The following TENM2 variants were observed in gnomAD, a reference collection of about 807,000 sequenced individuals.
TENM2 encodes the protein teneurin transmembrane protein 2, also known as teneurin-2.
In TENM2, 52 loss-of-function variants were observed where a neutral mutation model predicts 245.2. The observed-to-expected ratio is 0.21, with a 90% CI of 0.17 to 0.27. TENM2 has a LOEUF of 0.27. TENM2 is among the 10% of genes least tolerant of loss of function. TENM2 has a pLI of 1.00. For missense variants in TENM2, 3,046 were observed against 3,666.8 expected (o/e 0.83, Z 4.37); for synonymous variants, 1,363 against 1,438.9 (o/e 0.95, Z 1.19).
At chr5:167,981,837 G>A (rs371788787) in intron 4 of TENM2, among the ~76,000 whole-genome samples, 1 of 152,012 alleles carries the variant, frequency 6.6e-6, no homozygotes, top group South Asian at 2.1e-4. Flanking sequence ...AGGCAGGCGT[G>A]GTGGCGTGCA....
At chr5:168,026,091 T>G (rs1786602010) in intron 5 of TENM2, among the ~76,000 whole-genome samples, 1 of 152,092 alleles carries the variant, frequency 6.6e-6, no homozygotes, top group Admixed American at 6.6e-5. Context: ...CAAGGTATGA[T>G]GTAATTTCTT....
intron 2 of TENM2, among the ~76,000 whole-genome samples, chr5:167,743,285 T>C (rs1306757790): frequency 6.6e-6 from 1 of 152,110 alleles, no homozygotes; most frequent in Non-Finnish European, 1.5e-5. Context: ...TTAAAGCTGC[T>C]TGGCCCCTAC....
intron 2 of TENM2, among the ~76,000 whole-genome samples, chr5:167,572,171 A>G (rs1774310195): frequency 6.6e-6 from 1 of 152,232 alleles, no homozygotes; most frequent in Admixed American, 6.5e-5. Flanking sequence ...CCTATTGGCA[A>G]ACCATGAAGA....
chr5:167,232,097 C>A, the TENM2 span, among the ~76,000 whole-genome samples: 1 of 152,122 alleles, frequency 6.6e-6, no homozygotes, highest in South Asian at 2.1e-4. Flanking sequence ...TATGGAAACA[C>A]CTAGATGTCT....
chr5:168,004,557 A>ACACC (rs1491164482), intron 5 of TENM2, among the ~76,000 whole-genome samples: 147 of 147,554 alleles, frequency 1.0e-3, no homozygotes, highest in African/African-American at 3.2e-3. Context: ...ACACACACAC[A>ACACC]CCACTATCCC....
intron 5 of TENM2, among the ~76,000 whole-genome samples, chr5:168,031,593 C>T (rs754271912): frequency 4.0e-5 from 6 of 149,238 alleles, no homozygotes; most frequent in Admixed American, 2.0e-4. Flanking sequence ...AAATGAGGGT[C>T]TGGGAGGAAA....
the TENM2 span, among the ~76,000 whole-genome samples, chr5:167,061,180 A>G: frequency 6.6e-6 from 1 of 152,042 alleles, no homozygotes; most frequent in Non-Finnish European, 1.5e-5. Flanking sequence ...TGCTTATTTT[A>G]TTGGAAGAGA....
At chr5:167,224,757 T>C in the TENM2 span, among the ~76,000 whole-genome samples, 7 of 152,026 alleles carry the variant, frequency 4.6e-5, no homozygotes, top group Non-Finnish European at 1.0e-4. Context: ...AGTATTTTGA[T>C]AGATATTACA....
intron 2 of TENM2, among the ~76,000 whole-genome samples, chr5:167,608,456 G>C (rs1355564044): frequency 1.3e-5 from 2 of 152,308 alleles, no homozygotes; most frequent in East Asian, 3.9e-4. Context: ...TTGCCAAAGT[G>C]ACCTTGGTTG....
chr5:167,585,392 A>C (rs1775416343), intron 2 of TENM2, among the ~76,000 whole-genome samples: 1 of 152,230 alleles, frequency 6.6e-6, no homozygotes, highest in South Asian at 2.1e-4. Context: ...GAACTGTTTA[A>C]ATAGACCATG....
intron 2 of TENM2, among the ~76,000 whole-genome samples, chr5:167,421,402 C>G (rs1476418998): frequency 6.6e-6 from 1 of 152,144 alleles, no homozygotes; most frequent in South Asian, 2.1e-4. Context: ...AAATTAAGTG[C>G]CTATTAGAGC....
chr5:167,501,008 G>A lies in TENM2; in HGVS notation c.502+125535G>A, dbSNP rs143034167. Among the ~76,000 whole-genome samples, 302 of 152,222 alleles carry A rather than the reference G, an allele frequency of 2.0e-3. 2 individuals carry two copies. Among genetic ancestry groups the A allele is most frequent in the African/African-American group, 7.0e-3 (289 of 41,534 alleles). The stretch of plus-strand genomic sequence containing the variant: ...GAGACTCCTTTAGTGTGATAACCAA[G>A]TGTGGGCCTTCAGGAACAGCCCCAA... On this transcript the variant is annotated intron_variant, in intron 2 of 28. Coordinates refer to ENST00000518659, the Ensembl canonical transcript of TENM2.
intron 3 of TENM2, among the ~76,000 whole-genome samples, chr5:167,920,938 T>G (rs1179727050): frequency 1.3e-5 from 2 of 152,182 alleles, no homozygotes; most frequent in Non-Finnish European, 2.9e-5. Flanking sequence ...AACTAGGTTA[T>G]TATCCTCTCT....
chr5:167,666,736 A>G (rs1755603304), intron 2 of TENM2, among the ~76,000 whole-genome samples: 1 of 152,182 alleles, frequency 6.6e-6, no homozygotes, highest in African/African-American at 2.4e-5. Context: ...TGTATCTGGA[A>G]AGCAAAGTGG....
chr5:167,136,649 G>C, the TENM2 span, among the ~76,000 whole-genome samples: 5 of 152,112 alleles, frequency 3.3e-5, no homozygotes, highest in Non-Finnish European at 7.4e-5. Flanking sequence ...ACTCAAATGA[G>C]AAAGAATTTC....
chr5:167,448,861 G>T (rs1208680249), intron 2 of TENM2, among the ~76,000 whole-genome samples: 1 of 152,004 alleles, frequency 6.6e-6, no homozygotes, highest in African/African-American at 2.4e-5. Context: ...GCTAAGCCAA[G>T]TTCTTGTGGT....
chr5:168,083,026 G>T (rs1792136793), intron 7 of TENM2, among the ~76,000 whole-genome samples: 1 of 152,190 alleles, frequency 6.6e-6, no homozygotes, highest in African/African-American at 2.4e-5. Context: ...ACTGCCTTTT[G>T]TTCAGCTATG....
chr5:167,254,498 A>G, the TENM2 span, among the ~76,000 whole-genome samples: 27 of 152,128 alleles, frequency 1.8e-4, no homozygotes, highest in Non-Finnish European at 3.2e-4. Flanking sequence ...GGGTCAGCCA[A>G]TGAACCAGCC....
At position 168,244,397 on chromosome 5, in the gene TENM2, C is replaced by T. The variant is rs753329917; in HGVS notation, c.5521-23C>T. 1 of 1,490,292 alleles carries T rather than the reference C, an allele frequency of 6.7e-7. No individual in the cohort carries two copies. Among genetic ancestry groups the T allele is most frequent in the Non-Finnish European group, 9.0e-7 (1 of 1,109,482 alleles). The allele number at this position is 1,490,292 out of a possible 1,614,324, so 92.3% of individuals were successfully genotyped here. On this transcript the variant is annotated intron_variant, in intron 25 of 28. Coordinates refer to ENST00000518659, the Ensembl canonical transcript of TENM2. This position sits in a 1 kb window ranked among gnomAD's most constrained non-coding sequence, Gnocchi z 4.9. ...GCATGCCTGGGTGATGTCTTTCAAA[C>T]AAGGCCTGTTGTGTTTTCCTAGGTC...
Sources: allele counts gnomAD v4.1 joint callset (sites outside exome capture counted in the v4.1 genomes callset), GRCh38; gene constraint gnomAD v4.1.1; non-coding constraint Gnocchi (gnomAD v3.1); transcripts MANE v1.5; gene names NCBI Gene and HGNC (gene_info 2026-07-23, HGNC 2026-07-21).